The following DPP10 variants were observed in gnomAD, a reference collection of about 807,000 sequenced individuals.
DPP10 encodes dipeptidyl peptidase like 10, also known as inactive dipeptidyl peptidase 10.
Under a neutral mutation model 120.9 loss-of-function variants are expected in DPP10, and 33 were observed. The observed-to-expected ratio is 0.27, with a 90% confidence interval of 0.21 to 0.37. The LOEUF is 0.37. Among genes scored for constraint, DPP10 ranks in the 10% least tolerant of loss-of-function variants. The pLI is 1.00. For synonymous variants in DPP10, 337 were observed against 326.1 expected (o/e 1.03, Z -0.36); for missense variants, 816 against 942.8 (o/e 0.87, Z 1.76).
chr2:115,546,188 A>G (rs749806593), intron 5 of DPP10, among the ~76,000 whole-genome samples: 10 of 152,128 alleles, frequency 6.6e-5, no homozygotes, highest in Non-Finnish European at 1.2e-4. Context: ...CCACTAAAAC[A>G]TCTATCAAAG....
intron 1 of DPP10, among the ~76,000 whole-genome samples, chr2:114,863,447 A>G (rs1434215609): frequency 6.6e-6 from 1 of 152,106 alleles, no homozygotes; most frequent in African/African-American, 2.4e-5. Flanking sequence ...TGAAATTCCC[A>G]TTAGTTAGTG....
chr2:115,820,795 GTGTA>G (rs774257790), intron 21 of DPP10, among the ~76,000 whole-genome samples: 6,972 of 47,310 alleles, frequency 0.15, 473 homozygotes, highest in African/African-American at 0.37. Flanking sequence ...GTATTCCATG[GTGTA>G]TGTGTGTGTG....
At chr2:115,454,290 A>G (rs2073350491) in intron 3 of DPP10, among the ~76,000 whole-genome samples, 1 of 151,598 alleles carries the variant, frequency 6.6e-6, no homozygotes, top group South Asian at 2.1e-4. Context: ...AACAACAAAA[A>G]CTACAGACTA....
At chr2:114,553,296 C>T (rs1432026317) in intron 1 of DPP10, among the ~76,000 whole-genome samples, 1 of 152,208 alleles carries the variant, frequency 6.6e-6, no homozygotes, top group Non-Finnish European at 1.5e-5. Flanking sequence ...CCCCCTGCTG[C>T]TGTCACTGAT....
At chr2:115,328,081 G>T (rs958953785) in intron 2 of DPP10, among the ~76,000 whole-genome samples, 1 of 151,966 alleles carries the variant, frequency 6.6e-6, no homozygotes. Context: ...GGCTAATAAA[G>T]ACATGCAATA....
At chr2:115,501,992 A>G (rs936580750) in intron 4 of DPP10, among the ~76,000 whole-genome samples, 1 of 152,096 alleles carries the variant, frequency 6.6e-6, no homozygotes, top group Non-Finnish European at 1.5e-5. Context: ...TGAAAGCATG[A>G]CAAGTCATTT....
chr2:114,873,698 A>G (rs920222428), intron 1 of DPP10, among the ~76,000 whole-genome samples: 3 of 67,052 alleles, frequency 4.5e-5, no homozygotes, highest in African/African-American at 1.6e-4. Context: ...GAACTTAACA[A>G]CATTTTGCAG....
intron 1 of DPP10, among the ~76,000 whole-genome samples, chr2:114,799,458 G>C (rs1684004424): frequency 6.6e-6 from 1 of 152,132 alleles, no homozygotes; most frequent in African/African-American, 2.4e-5. Flanking sequence ...AGACAGTAAA[G>C]ATACAATTCC....
intron 1 of DPP10, among the ~76,000 whole-genome samples, chr2:114,823,755 C>T (rs1477978846): frequency 3.3e-5 from 5 of 152,130 alleles, no homozygotes; most frequent in Non-Finnish European, 7.4e-5. Context: ...TAGGACTACC[C>T]AGTAGGAGCT....
At chr2:114,628,363 C>A (rs925751883) in intron 1 of DPP10, among the ~76,000 whole-genome samples, 1 of 152,122 alleles carries the variant, frequency 6.6e-6, no homozygotes, top group East Asian at 1.9e-4. Context: ...AGCAATTTTT[C>A]ACCAAAGATA....
intron 1 of DPP10, among the ~76,000 whole-genome samples, chr2:114,674,246 T>C (rs1393711325): frequency 2.0e-5 from 3 of 152,072 alleles, no homozygotes; most frequent in South Asian, 2.1e-4. Flanking sequence ...AAATAATATA[T>C]ACATATATAT....
intron 2 of DPP10, among the ~76,000 whole-genome samples, chr2:115,312,500 C>A (rs922674411): frequency 6.6e-6 from 1 of 152,088 alleles, no homozygotes; most frequent in Non-Finnish European, 1.5e-5. Flanking sequence ...CCTCTCTCAT[C>A]AGACAGGAAG....
intron 1 of DPP10, among the ~76,000 whole-genome samples, chr2:114,477,196 T>A (rs945598422): frequency 4.6e-5 from 7 of 151,672 alleles, no homozygotes; most frequent in Non-Finnish European, 7.4e-5. Context: ...TGACCTCAAA[T>A]GATCCAAGGC....
rs1683645796 is a variant in DPP10, at chr2:114,506,210, C to A, written c.60+63372C>A. On this transcript the variant is annotated intron_variant, in intron 1 of 25. Transcript: ENST00000410059. ...TCCTGTGCCCATAAAAACCCCAGAA[C>A]TCAGCCAGCAGAGAGGAGAAGCAGC... is the stretch of plus-strand genomic sequence containing the variant. Among the ~76,000 whole-genome samples, 3 of 152,200 alleles carry A rather than the reference C, an allele frequency of 2.0e-5. No individual in the cohort carries two copies. The South Asian group carries it at 6.2e-4, about 32-fold the overall frequency.
intron 1 of DPP10, among the ~76,000 whole-genome samples, chr2:115,283,788 G>C (rs2060254183): frequency 6.6e-6 from 1 of 152,040 alleles, no homozygotes; most frequent in East Asian, 1.9e-4. Flanking sequence ...GGTTCAATGA[G>C]ATTTTATTAC....
intron 1 of DPP10, among the ~76,000 whole-genome samples, chr2:114,460,040 T>C (rs1467611954): frequency 6.6e-6 from 1 of 152,182 alleles, no homozygotes; most frequent in African/African-American, 2.4e-5. Flanking sequence ...CCAAGAAAAA[T>C]GTCTTCTATT....
chr2:115,777,830 T>G lies in DPP10; in HGVS notation c.1357T>G (p.Tyr453Asp). The change falls in exon 15 of 26, where the codon TAC becomes GAC. Residue 453 changes from tyrosine to aspartate, a missense_variant. Around this residue, in one of 3 missense-constraint regions of DPP10, gnomAD observed 592 missense variants for 649.0 expected, o/e 0.91. Transcript: ENST00000410059. ...ATCTTCTCCCAGAGGAAGGCAGCTG[T>G]ACAGGTAAGCAGTGTGCAAGGATCT... ...TESSPRGRQL[Y>D]SASTEGLLNR... is the part of the protein sequence containing the mutation. 6.2e-7 allele frequency: 1 copy of G among 1,613,260 alleles called. No homozygotes were observed.
intron 1 of DPP10, among the ~76,000 whole-genome samples, chr2:115,171,536 G>A (rs2053337375): frequency 6.6e-6 from 1 of 151,728 alleles, no homozygotes. Context: ...TTCAAATCAG[G>A]AAACAGACAA....
At chr2:115,285,095 T>A (rs2060311542) in intron 1 of DPP10, among the ~76,000 whole-genome samples, 1 of 152,028 alleles carries the variant, frequency 6.6e-6, no homozygotes, top group Admixed American at 6.6e-5. Context: ...AAGTTGGTAT[T>A]CTTAGGAATT....
Sources: allele counts gnomAD v4.1 joint callset (sites outside exome capture counted in the v4.1 genomes callset), GRCh38; gene constraint gnomAD v4.1.1; regional missense constraint gnomAD v4.1.1; transcripts MANE v1.5; gene names NCBI Gene and HGNC (gene_info 2026-07-23, HGNC 2026-07-21).